TLK1: variants seen among roughly 807,000 people sequenced by gnomAD.
TLK1 encodes serine/threonine-protein kinase tousled-like 1.
TLK1 carries 24 observed loss-of-function variants against 105.3 expected under a neutral mutation model. The ratio of observed to expected loss-of-function variants is 0.23; its 90% confidence interval spans 0.17 to 0.32. TLK1 has a LOEUF of 0.32. Among genes scored for constraint, TLK1 ranks in the 10% least tolerant of loss-of-function variants. The pLI is 1.00. For missense variants in TLK1, 558 were observed against 910.5 expected (o/e 0.61, Z 4.98); for synonymous variants, 321 against 310.4 (o/e 1.03, Z -0.36).
At position 171,157,920 on chromosome 2, in the gene TLK1, C is replaced by T. The variant is rs527696800; in HGVS notation, c.139+2370G>A. On this transcript the variant is annotated intron_variant, in intron 1 of 20. Coordinates refer to ENST00000431350, the MANE Select transcript of TLK1 (RefSeq NM_012290.5). ...AAGTTAGTTTTCACCGTGATACATA[C>T]AATACATTCAAGTTCCATTAATATT... is the stretch of plus-strand genomic sequence containing the variant. Among the ~76,000 whole-genome samples the T allele has an allele frequency of 2.0e-5, 3 of 152,250 alleles. No homozygotes were observed. The East Asian group carries it at 5.8e-4, about 29-fold the overall frequency.
chr2:171,079,233 G>T (rs1372211052), intron 3 of TLK1, among the ~76,000 whole-genome samples: 1 of 152,178 alleles, frequency 6.6e-6, no homozygotes, highest in Non-Finnish European at 1.5e-5. Flanking sequence ...TGTCTTATGG[G>T]ATGAATTCAC....
At chr2:171,121,672 A>G (rs1422244688) in intron 1 of TLK1, among the ~76,000 whole-genome samples, 1 of 152,260 alleles carries the variant, frequency 6.6e-6, no homozygotes, top group Non-Finnish European at 1.5e-5. Context: ...TGTATGTGCT[A>G]TATACTATGC....
intron 3 of TLK1, among the ~76,000 whole-genome samples, chr2:171,069,957 C>T (rs1688176433): frequency 6.6e-6 from 1 of 152,150 alleles, no homozygotes; most frequent in African/African-American, 2.4e-5. Context: ...TACACTCATC[C>T]TGATTGTATA....
intron 2 of TLK1, among the ~76,000 whole-genome samples, chr2:171,095,975 C>CT (rs889001369): frequency 2.6e-5 from 4 of 151,972 alleles, no homozygotes; most frequent in Non-Finnish European, 5.9e-5. Context: ...TAAGCCCATT[C>CT]TCACCACTGC....
At chr2:171,132,857 A>G (rs1205491140) in intron 1 of TLK1, among the ~76,000 whole-genome samples, 3 of 152,194 alleles carry the variant, frequency 2.0e-5, no homozygotes, top group Non-Finnish European at 4.4e-5. Flanking sequence ...AAAGTGAGAC[A>G]CTGTCTCAAA....
chr2:171,154,789 C>G (rs190012975), intron 1 of TLK1, among the ~76,000 whole-genome samples: 163 of 152,286 alleles, frequency 1.1e-3, no homozygotes, highest in Non-Finnish European at 1.8e-3. Flanking sequence ...ATTTCTACAG[C>G]TCTTCTATAG....
intron 6 of TLK1, 127 bp downstream of exon 6, chr2:171,056,344 G>A (rs1488467914): frequency 1.6e-6 from 1 of 612,056 alleles, no homozygotes; most frequent in African/African-American, 1.9e-5. Context: ...CAGAAATAAT[G>A]TATTAAAAGA....
chr2:171,107,964 T>C (rs1440545458), intron 2 of TLK1, among the ~76,000 whole-genome samples: 1 of 151,512 alleles, frequency 6.6e-6, no homozygotes, highest in African/African-American at 2.4e-5. Context: ...GGCTTACGCA[T>C]GAGGATCACT....
At chr2:171,144,949 T>A (rs1490014339) in intron 1 of TLK1, among the ~76,000 whole-genome samples, 1 of 152,032 alleles carries the variant, frequency 6.6e-6, no homozygotes, top group Non-Finnish European at 1.5e-5. Context: ...AAAAGGCCAA[T>A]AAACTTTATG....
At chr2:171,059,356 C>T (rs1461132031) in intron 4 of TLK1, among the ~76,000 whole-genome samples, 1 of 152,208 alleles carries the variant, frequency 6.6e-6, no homozygotes, top group Admixed American at 6.5e-5. Flanking sequence ...ACCCTTCACC[C>T]TACATGGCAC....
rs1008122555 is a variant in TLK1 at position 171,179,729 on chromosome 2, C to T, written c.-6+51416G>A. Among the ~76,000 whole-genome samples, 7 of 151,868 alleles carry T rather than the reference C, an allele frequency of 4.6e-5. 1 individual carries two copies. Among genetic ancestry groups the T allele is most frequent in the South Asian group, 4.2e-4 (2 of 4,804 alleles). On this transcript the variant is annotated intron_variant, in intron 1 of 20. Transcript: ENST00000521943. ...TCCCAGCACTTTGGGAGGCCAAGGC[C>T]GGGTGATCACTTGAGGTCAGGGGTT...
At chr2:171,061,824 T>G (rs1211019558) in intron 3 of TLK1, among the ~76,000 whole-genome samples, 1 of 152,212 alleles carries the variant, frequency 6.6e-6, no homozygotes, top group Non-Finnish European at 1.5e-5. Flanking sequence ...GAATATTTTG[T>G]GGTGTGAGAA....
intron 1 of TLK1, among the ~76,000 whole-genome samples, chr2:171,130,117 A>G (rs1379550339): frequency 6.6e-6 from 1 of 152,182 alleles, no homozygotes; most frequent in Non-Finnish European, 1.5e-5. Flanking sequence ...AATCTTGGTA[A>G]TAACGGCTGG....
At chr2:170,995,590 G>C (rs1684017962) in intron 20 of TLK1, among the ~76,000 whole-genome samples, 1 of 152,122 alleles carries the variant, frequency 6.6e-6, no homozygotes, top group Non-Finnish European at 1.5e-5. Context: ...TTCTCAATGA[G>C]GCTACAGACA....
intron 1 of TLK1, among the ~76,000 whole-genome samples, chr2:171,203,392 G>C (rs943461376): frequency 6.6e-6 from 1 of 151,994 alleles, no homozygotes; most frequent in African/African-American, 2.4e-5. Flanking sequence ...TCTACTTTTT[G>C]TCTGTATGAA....
At chr2:171,118,784 A>G (rs1333800907) in intron 1 of TLK1, among the ~76,000 whole-genome samples, 1 of 152,186 alleles carries the variant, frequency 6.6e-6, no homozygotes, top group Non-Finnish European at 1.5e-5. Flanking sequence ...TTTTTGAACT[A>G]TACTAGCCCC....
intron 12 of TLK1, among the ~76,000 whole-genome samples, chr2:171,023,846 G>C (rs751158799): frequency 6.6e-6 from 1 of 152,148 alleles, no homozygotes; most frequent in East Asian, 1.9e-4. Flanking sequence ...ATAAAGATCT[G>C]ACTATATAAT....
At chr2:171,081,774 T>C (rs1575582490) in intron 3 of TLK1, 2 of 1,073,068 alleles carry the variant, frequency 1.9e-6, no homozygotes, top group East Asian at 5.9e-5. Context: ...TCAGGGTGCC[T>C]GCACAGAACT....
At chr2:171,093,647 A>G (rs1689334275) in intron 2 of TLK1, among the ~76,000 whole-genome samples, 1 of 151,626 alleles carries the variant, frequency 6.6e-6, no homozygotes. Flanking sequence ...CTTAAAAACT[A>G]TGTGAAACCA....
Sources: gnomAD v4.1 joint callset for allele counts (sites outside exome capture counted in the v4.1 genomes callset) on GRCh38, gnomAD v4.1.1 for gene constraint, MANE v1.5 for transcripts, NCBI Gene and HGNC (gene_info 2026-07-23, HGNC 2026-07-21) for gene names.